Variants in TANC2 observed in about 807,000 individuals in gnomAD.
TANC2 encodes the protein tetratricopeptide repeat, ankyrin repeat and coiled-coil containing 2, also known as protein TANC2.
In TANC2, 26 loss-of-function variants were observed where a neutral mutation model predicts 210.5. That is an observed-to-expected ratio of 0.12 (90% confidence interval 0.09 to 0.17). TANC2 has a LOEUF of 0.17. TANC2 is among the 10% of genes least tolerant of loss of function. The pLI is 1.00. For missense variants in TANC2, 2,129 were observed against 2,608.9 expected (o/e 0.82, Z 4.01); for synonymous variants, 931 against 967.1 (o/e 0.96, Z 0.69).
intron 14 of TANC2, among the ~76,000 whole-genome samples, chr17:63,374,774 C>G (rs190934845): frequency 6.6e-6 from 1 of 152,142 alleles, no homozygotes; most frequent in Admixed American, 6.5e-5. Flanking sequence ...ATAGAAAGCC[C>G]TTGGATACCA....
rs142293080 is a variant in TANC2, at chr17:63,400,233, G to A, written c.3331+1319G>A. On this transcript the variant is annotated intron_variant, in intron 19 of 27. Transcript: ENST00000689528. ...ACCACTGACAGCAGCAAAAAGAGTC[G>A]TGTCCCCATGGTGATAATGAATAGA... Among the ~76,000 whole-genome samples, 144 of 152,360 alleles carry A rather than the reference G, an allele frequency of 9.5e-4. 1 individual carries two copies. Among genetic ancestry groups the A allele is most frequent in the Non-Finnish European group, 2.5e-4 (17 of 68,042 alleles).
At chr17:63,021,064 T>TG (rs2034327848) in intron 2 of TANC2, among the ~76,000 whole-genome samples, 1 of 152,114 alleles carries the variant, frequency 6.6e-6, no homozygotes, top group South Asian at 2.1e-4. Context: ...TCTCCAACAT[T>TG]GGGGGTCACA....
intron 10 of TANC2, among the ~76,000 whole-genome samples, chr17:63,318,231 G>A (rs1434263159): frequency 6.6e-6 from 1 of 152,070 alleles, no homozygotes; most frequent in East Asian, 1.9e-4. Flanking sequence ...TTTAAAGTAT[G>A]ATCTTATTCA....
chr17:63,279,559 G>A (rs567144764), intron 9 of TANC2, among the ~76,000 whole-genome samples: 2 of 152,134 alleles, frequency 1.3e-5, no homozygotes, highest in East Asian at 3.9e-4. Context: ...AGAGAGTGTA[G>A]CTGATCTAGT....
At chr17:63,275,185 C>T (rs2043834353) in intron 9 of TANC2, among the ~76,000 whole-genome samples, 1 of 152,132 alleles carries the variant, frequency 6.6e-6, no homozygotes, top group Non-Finnish European at 1.5e-5. Context: ...CCACACTCTT[C>T]TACTTGAAGA....
chr17:63,373,238 G>C (rs1018260323), intron 14 of TANC2, among the ~76,000 whole-genome samples: 1 of 152,154 alleles, frequency 6.6e-6, no homozygotes, highest in African/African-American at 2.4e-5. Flanking sequence ...GTTGTGCTCT[G>C]TCATGCTTTA....
In TANC2 at chr17:63,278,459, A is replaced by T. The variant is rs564976844; in HGVS notation, c.1159+10586A>T. Among the ~76,000 whole-genome samples the T allele has an allele frequency of 4.3e-3, 648 of 149,722 alleles. 2 individuals are homozygous for T. Among genetic ancestry groups the T allele is most frequent in the Non-Finnish European group, 6.1e-3 (409 of 67,256 alleles). ...ACACCTGTTAACATGGCCATTATTT[A>T]AAAAAAAAAGAAAGAATAACAAGTG... On this transcript the variant is annotated intron_variant, in intron 9 of 27. Transcript: ENST00000689528.
intron 20 of TANC2, 66 bp downstream of exon 20, chr17:63,405,321 A>G: frequency 6.9e-7 from 1 of 1,447,812 alleles, no homozygotes; most frequent in East Asian, 2.5e-5. Context: ...CTTCTGATGC[A>G]CAGAGCAAAA....
chr17:63,225,038 G>T (rs1256416056), intron 7 of TANC2, among the ~76,000 whole-genome samples: 3 of 151,630 alleles, frequency 2.0e-5, no homozygotes, highest in East Asian at 3.9e-4. Context: ...AAGTCTTTTT[G>T]CATCTTCTAT....
intron 2 of TANC2, among the ~76,000 whole-genome samples, chr17:63,036,228 AT>A (rs138385307): frequency 0.22 from 33,235 of 151,676 alleles, 3,749 homozygotes; most frequent in Middle Eastern, 0.27. Context: ...AGTCATAAAG[AT>A]TTCTCCTGTG....
chr17:63,170,925 G>A (rs929262828), intron 5 of TANC2, among the ~76,000 whole-genome samples: 14 of 151,956 alleles, frequency 9.2e-5, no homozygotes, highest in African/African-American at 2.9e-4. Flanking sequence ...ATGGTACTAC[G>A]CATGATACTG....
chr17:63,377,810 A>G (rs2147067163), intron 14 of TANC2, among the ~76,000 whole-genome samples: 1 of 152,332 alleles, frequency 6.6e-6, no homozygotes, highest in South Asian at 2.1e-4. Context: ...TTATAAAGAA[A>G]AGAGATTTCG....
At chr17:63,399,148 C>T in intron 19 of TANC2, 1 of 292,326 alleles carries the variant, frequency 3.4e-6, no homozygotes, top group East Asian at 5.6e-5. Flanking sequence ...AAACTTTTTC[C>T]CTCTCTTGTT....
intron 9 of TANC2, among the ~76,000 whole-genome samples, chr17:63,281,787 A>G (rs1178301850): frequency 6.6e-6 from 1 of 152,114 alleles, no homozygotes; most frequent in Non-Finnish European, 1.5e-5. Flanking sequence ...GTATTTTTTA[A>G]AAAGAAGAGA....
intron 12 of TANC2, among the ~76,000 whole-genome samples, chr17:63,350,510 A>G (rs899966839): frequency 2.0e-5 from 3 of 152,224 alleles, no homozygotes; most frequent in African/African-American, 7.2e-5. Flanking sequence ...CTAAAGTTAA[A>G]TTGATTTTGT....
intron 1 of TANC2, among the ~76,000 whole-genome samples, chr17:63,004,347 A>G (rs2033516714): frequency 6.6e-6 from 1 of 152,200 alleles, no homozygotes; most frequent in Non-Finnish European, 1.5e-5. Context: ...CTGAAGGTGG[A>G]AAGGGAGAAG....
At chr17:63,341,083 G>T (rs757636388) in intron 12 of TANC2, among the ~76,000 whole-genome samples, 1 of 152,190 alleles carries the variant, frequency 6.6e-6, no homozygotes, top group African/African-American at 2.4e-5. Context: ...ATGTGGGTAT[G>T]CATAAAATTC....
At chr17:63,009,106 C>A (rs929987250) in intron 1 of TANC2, among the ~76,000 whole-genome samples, 4 of 151,524 alleles carry the variant, frequency 2.6e-5, no homozygotes, top group Admixed American at 6.6e-5. Flanking sequence ...AGTTAATTAT[C>A]TTTTTCTGGT....
intron 4 of TANC2, among the ~76,000 whole-genome samples, chr17:63,126,844 TC>T (rs974881101): frequency 6.6e-6 from 1 of 152,032 alleles, no homozygotes; most frequent in African/African-American, 2.4e-5. Context: ...TCCTTTTACC[TC>T]CCCACCCCCC....
Sources: allele counts gnomAD v4.1 joint callset (sites outside exome capture counted in the v4.1 genomes callset), GRCh38; gene constraint gnomAD v4.1.1; transcripts MANE v1.5; gene names NCBI Gene and HGNC (gene_info 2026-07-23, HGNC 2026-07-21).